The following BRDT variants were observed in gnomAD, a reference collection of about 807,000 sequenced individuals.
BRDT encodes the protein bromodomain testis-specific protein.
Under a neutral mutation model 113.9 loss-of-function variants are expected in BRDT, and 77 were observed. The ratio of observed to expected loss-of-function variants is 0.68; its 90% CI spans 0.56 to 0.82. The LOEUF is 0.82. Ranked by LOEUF, BRDT falls within the 40% of genes least tolerant of loss-of-function variation. BRDT has a pLI of 0.00. For missense variants in BRDT, 1,027 were observed against 1,105.4 expected (o/e 0.93, Z 1.01); for synonymous variants, 358 against 366.5 (o/e 0.98, Z 0.26).
intron 1 of BRDT, among the ~76,000 whole-genome samples, chr1:91,953,068 A>G (rs1056947808): frequency 6.6e-6 from 1 of 151,968 alleles, no homozygotes; most frequent in Admixed American, 6.6e-5. Context: ...CATCATTTAC[A>G]TTAGATATTT....
At position 91,980,775 on chromosome 1, in the gene BRDT, ATG is replaced by A; in HGVS notation, c.1425_1426del (p.Cys475Ter). The A allele has an allele frequency of 6.2e-7, 1 of 1,604,814 alleles. No homozygotes were observed. Among genetic ancestry groups the A allele is most frequent in the Non-Finnish European group, 8.5e-7 (1 of 1,178,216 alleles). ...VNNSNENPRKMCEQMRLKEKS... is the reference protein window; with the variant it reads ...VNNSNENPRKXCEQMRLKEKS... ...TAACAGCAATGAAAATCCAAGAAAAATGTGTGAGCAAATGAGGCTAAAGGAAA... is the reference window on the plus strand; with the variant it reads ...TAACAGCAATGAAAATCCAAGAAAAATGTGAGCAAATGAGGCTAAAGGAAA... On this transcript the variant is annotated frameshift_variant, in exon 9 of 19. Coordinates refer to ENST00000399546, the MANE Select transcript of BRDT (RefSeq NM_207189.4). LOFTEE classifies it high-confidence loss of function.
intron 4 of BRDT, 32 bp from the exon 5 acceptor site, chr1:91,976,234 C>A: frequency 6.5e-7 from 1 of 1,533,094 alleles, no homozygotes; most frequent in Non-Finnish European, 8.7e-7. Flanking sequence ...TTTATTCATT[C>A]ATATATTTGA....
chr1:92,007,566 T>G (rs770097629), intron 18 of BRDT, among the ~76,000 whole-genome samples: 16 of 152,352 alleles, frequency 1.1e-4, no homozygotes, highest in South Asian at 8.3e-4. Context: ...AGACATGATC[T>G]CCTTCTTTAT....
At chr1:91,982,614 G>C (rs924896558) in intron 12 of BRDT, among the ~76,000 whole-genome samples, 3 of 152,138 alleles carry the variant, frequency 2.0e-5, no homozygotes, top group Admixed American at 1.3e-4. Flanking sequence ...GGAATTCTTA[G>C]CATTATTAAA....
At chr1:91,971,569 A>G (rs886469770) in intron 4 of BRDT, among the ~76,000 whole-genome samples, 2 of 152,206 alleles carry the variant, frequency 1.3e-5, no homozygotes, top group Non-Finnish European at 2.9e-5. Flanking sequence ...TTAAACTGAT[A>G]ATGTTGATTG....
intron 4 of BRDT, among the ~76,000 whole-genome samples, chr1:91,972,963 A>C (rs1683771122): frequency 6.6e-6 from 1 of 152,214 alleles, no homozygotes; most frequent in African/African-American, 2.4e-5. Flanking sequence ...GGAAAAAATA[A>C]AGCAGAATAA....
chr1:91,951,094 A>T (rs1037008273), intron 1 of BRDT, among the ~76,000 whole-genome samples: 1 of 151,860 alleles, frequency 6.6e-6, no homozygotes, highest in Admixed American at 6.6e-5. Context: ...TGTCATGGCC[A>T]ACTACAGCCT....
At chr1:91,954,926 A>T (rs1681574257) in intron 1 of BRDT, among the ~76,000 whole-genome samples, 1 of 152,058 alleles carries the variant, frequency 6.6e-6, no homozygotes, top group Admixed American at 6.6e-5. Context: ...ATGCCACTGC[A>T]CTCCAGCCTG....
intron 1 of BRDT, among the ~76,000 whole-genome samples, chr1:91,952,714 G>T (rs1681233401): frequency 6.7e-6 from 1 of 150,130 alleles, no homozygotes; most frequent in African/African-American, 2.5e-5. Flanking sequence ...CTTGAGGCAG[G>T]CGGAGGAGTG....
At chr1:92,012,635 G>A (rs1235227923) in intron 18 of BRDT, among the ~76,000 whole-genome samples, 1 of 152,240 alleles carries the variant, frequency 6.6e-6, no homozygotes, top group African/African-American at 2.4e-5. Flanking sequence ...CTGGGGCCGG[G>A]TGCAATGGCT....
chr1:91,978,338 C>G, intron 7 of BRDT, 42 bp downstream of exon 7: 2 of 1,600,284 alleles, frequency 1.2e-6, no homozygotes, highest in Non-Finnish European at 1.7e-6. Context: ...TTCCTCTGAA[C>G]ATAGTTGAAA....
intron 14 of BRDT, 97 bp downstream of exon 14, chr1:91,992,411 G>GAA: frequency 2.1e-5 from 4 of 193,538 alleles, no homozygotes; most frequent in South Asian, 1.6e-4. Context: ...ATGAAGAGAG[G>GAA]CAAAAAAAAA....
At chr1:91,983,129 T>G (rs1257269289) in intron 12 of BRDT, among the ~76,000 whole-genome samples, 1 of 152,174 alleles carries the variant, frequency 6.6e-6, no homozygotes, top group African/African-American at 2.4e-5. Context: ...AATTATCAGT[T>G]TCTGATACAA....
intron 2 of BRDT, among the ~76,000 whole-genome samples, chr1:91,963,975 G>C (rs1479449158): frequency 6.6e-6 from 1 of 152,000 alleles, no homozygotes; most frequent in Middle Eastern, 3.4e-3. Context: ...GGGCTCAAGT[G>C]ATTCTTGGGC....
chr1:91,994,633 G>A (rs529344167), intron 15 of BRDT, among the ~76,000 whole-genome samples: 5 of 152,108 alleles, frequency 3.3e-5, no homozygotes, highest in Non-Finnish European at 2.9e-5. Context: ...TTGGGAGGCC[G>A]AGGCGGGCGG....
chr1:91,979,469 G>C, intron 7 of BRDT, 100 bp from the exon 8 acceptor site: 2 of 1,180,068 alleles, frequency 1.7e-6, no homozygotes, highest in Non-Finnish European at 2.4e-6. Context: ...AAGAATTCTG[G>C]TCAAAATATG....
intron 1 of BRDT, among the ~76,000 whole-genome samples, chr1:91,955,497 T>C (rs1681651817): frequency 6.6e-6 from 1 of 152,094 alleles, no homozygotes. Context: ...TTGGGTTCTT[T>C]TGTAGGACTC....
intron 14 of BRDT, among the ~76,000 whole-genome samples, chr1:91,993,803 TG>T (rs969687590): frequency 6.6e-6 from 1 of 152,204 alleles, no homozygotes; most frequent in African/African-American, 2.4e-5. Context: ...TGTATACTCA[TG>T]TAAAATATAC....
intron 1 of BRDT, among the ~76,000 whole-genome samples, chr1:91,952,422 T>C (rs1014600326): frequency 3.3e-5 from 5 of 152,086 alleles, no homozygotes; most frequent in African/African-American, 7.2e-5. Flanking sequence ...GCAGGTGCAC[T>C]GGCCAGAAAG....
Sources: allele counts gnomAD v4.1 joint callset (sites outside exome capture counted in the v4.1 genomes callset), GRCh38; gene constraint gnomAD v4.1.1; transcripts MANE v1.5; gene names NCBI Gene and HGNC (gene_info 2026-07-23, HGNC 2026-07-21).